CTNND2: variants seen among roughly 807,000 people sequenced by gnomAD.
CTNND2 encodes the protein catenin delta-2.
A neutral mutation model predicts 144.4 loss-of-function variants in CTNND2; 22 were observed. That is an observed-to-expected ratio of 0.15 (90% CI 0.11 to 0.22). The LOEUF is 0.22. Among genes scored for constraint, CTNND2 ranks in the 10% least tolerant of loss-of-function variants. CTNND2 has a pLI of 1.00. For missense variants in CTNND2, 1,353 were observed against 1,618.8 expected, an observed-to-expected ratio of 0.84 and a Z score of 2.82; for synonymous variants, 751 against 695.6, an observed-to-expected ratio of 1.08 and a Z score of -1.25.
intron 17 of CTNND2, among the ~76,000 whole-genome samples, chr5:11,019,490 A>G (rs1020613453): frequency 1.3e-5 from 2 of 152,238 alleles, no homozygotes; most frequent in African/African-American, 4.8e-5. Context: ...TATCTTTTGC[A>G]TAGTTACAAA....
intron 3 of CTNND2, among the ~76,000 whole-genome samples, chr5:11,471,270 C>A (rs990902258): frequency 6.6e-6 from 1 of 151,974 alleles, no homozygotes; most frequent in East Asian, 1.9e-4. Flanking sequence ...AGCCACTGCA[C>A]CTGGCCCAAA....
intron 3 of CTNND2, among the ~76,000 whole-genome samples, chr5:11,555,415 G>T (rs1776140153): frequency 6.6e-6 from 1 of 152,116 alleles, no homozygotes; most frequent in Non-Finnish European, 1.5e-5. Context: ...GGCTAGATGA[G>T]AAAGTCTCAG....
chr5:11,281,664 C>CT (rs952426890), intron 9 of CTNND2, among the ~76,000 whole-genome samples: 25 of 152,148 alleles, frequency 1.6e-4, no homozygotes, highest in African/African-American at 5.6e-4. Context: ...TATCTGAGGC[C>CT]TCTCCCCTTG....
At chr5:11,220,741 T>C (rs1739706097) in intron 10 of CTNND2, among the ~76,000 whole-genome samples, 1 of 152,228 alleles carries the variant, frequency 6.6e-6, no homozygotes. Flanking sequence ...GATATGCCAG[T>C]ATTATTCACC....
In CTNND2 at chr5:11,386,641, G is replaced by A. The variant is rs547032832; in HGVS notation, c.613-1412C>T. ...TGTGTATGCATATGTATTTATGTAC[G>A]GTATATATATTTTAAATATTCTCAC... is the stretch of plus-strand genomic sequence containing the variant. On this transcript the variant is annotated intron_variant, in intron 6 of 21. Coordinates refer to ENST00000304623, the MANE Select transcript of CTNND2 (RefSeq NM_001332.4). Among the ~76,000 whole-genome samples the A allele has an allele frequency of 1.0e-3, 158 of 152,086 alleles. 2 individuals carry two copies. The South Asian group carries it at 0.028, about 27-fold the overall frequency.
At chr5:11,460,754 C>T (rs1561427383) in intron 3 of CTNND2, among the ~76,000 whole-genome samples, 2 of 152,196 alleles carry the variant, frequency 1.3e-5, no homozygotes, top group African/African-American at 2.4e-5. Context: ...GACTACTGCA[C>T]GTTAAATTGC....
At chr5:11,123,410 G>A (rs1272810462) in intron 12 of CTNND2, among the ~76,000 whole-genome samples, 1 of 152,202 alleles carries the variant, frequency 6.6e-6, no homozygotes, top group African/African-American at 2.4e-5. Context: ...ACCGCTGGGT[G>A]AGTGTTGGGG....
At chr5:11,771,681 TAA>T (rs2126826675) in intron 1 of CTNND2, among the ~76,000 whole-genome samples, 1 of 152,332 alleles carries the variant, frequency 6.6e-6, no homozygotes, top group Admixed American at 6.5e-5. Flanking sequence ...GTCACTGTAA[TAA>T]CTTTCTATTA....
At chr5:11,583,992 A>G in intron 2 of CTNND2, among the ~76,000 whole-genome samples, 1 of 152,096 alleles carries the variant, frequency 6.6e-6, no homozygotes, top group East Asian at 1.9e-4. Context: ...ACGGTTTCCA[A>G]TTTTTGGAAG....
intron 3 of CTNND2, among the ~76,000 whole-genome samples, chr5:11,418,262 T>C (rs1762072672): frequency 6.6e-6 from 1 of 151,918 alleles, no homozygotes; most frequent in African/African-American, 2.4e-5. Context: ...CAAAAGTAGC[T>C]GGGCGTGGTG....
chr5:11,428,775 A>G (rs1481580996), intron 3 of CTNND2, among the ~76,000 whole-genome samples: 6 of 152,202 alleles, frequency 3.9e-5, no homozygotes, highest in Admixed American at 3.9e-4. Flanking sequence ...CTTTTATTCA[A>G]CTTTCATCAT....
intron 9 of CTNND2, among the ~76,000 whole-genome samples, chr5:11,328,282 C>A (rs918116136): frequency 6.7e-6 from 1 of 149,868 alleles, no homozygotes; most frequent in African/African-American, 2.5e-5. Context: ...AAACACTACA[C>A]AAAATTCTTT....
At chr5:11,213,965 A>C (rs1209803449) in intron 10 of CTNND2, among the ~76,000 whole-genome samples, 1 of 152,118 alleles carries the variant, frequency 6.6e-6, no homozygotes, top group Non-Finnish European at 1.5e-5. Context: ...TCAGTTCTTT[A>C]TACTATTTTA....
intron 10 of CTNND2, among the ~76,000 whole-genome samples, chr5:11,221,657 T>C (rs1346222182): frequency 1.3e-5 from 2 of 152,220 alleles, no homozygotes; most frequent in Non-Finnish European, 2.9e-5. Flanking sequence ...CTCTCAGTAT[T>C]TTCACAAAAT....
intron 2 of CTNND2, among the ~76,000 whole-genome samples, chr5:11,633,578 C>T (rs145272745): frequency 1.7e-3 from 256 of 152,216 alleles, no homozygotes; most frequent in African/African-American, 5.9e-3. Context: ...GAGTTCGAGA[C>T]AACCATGGCC....
At chr5:11,158,672 TC>T (rs1221072074) in intron 12 of CTNND2, among the ~76,000 whole-genome samples, 6 of 152,184 alleles carry the variant, frequency 3.9e-5, no homozygotes, top group Non-Finnish European at 8.8e-5. Flanking sequence ...TTTTGTTCCT[TC>T]TCAGTAGAGA....
intron 12 of CTNND2, among the ~76,000 whole-genome samples, chr5:11,146,948 G>GAAC (rs1757298431): frequency 6.6e-6 from 1 of 152,178 alleles, no homozygotes; most frequent in Admixed American, 6.5e-5. Context: ...AAGATTTTAT[G>GAAC]AACAACCAGG....
At chr5:11,060,901 A>T (rs1746891457) in intron 16 of CTNND2, among the ~76,000 whole-genome samples, 2 of 152,196 alleles carry the variant, frequency 1.3e-5, no homozygotes, top group African/African-American at 2.4e-5. Context: ...TTAAGATGAG[A>T]CTTCCTGTAG....
rs1271531347 is a variant in CTNND2, at chr5:11,311,263, C to T, written c.1628+35109G>A. On this transcript the variant is annotated intron_variant, in intron 9 of 21. Transcript: ENST00000304623. ...ACCCACACATACATAAACTCTCACA[C>T]TCACTCCATGCACCCTCACCTCACA... Among the ~76,000 whole-genome samples the T allele has an allele frequency of 4.1e-4, 47 of 115,434 alleles. 1 individual carries two copies. The highest frequency in any genetic ancestry group is 4.9e-4 in the Non-Finnish European group (26 of 53,016). The allele number at this position is 115,434 out of a possible 152,430, so 75.7% of individuals were successfully genotyped here.
Sources: gnomAD v4.1 joint callset for allele counts (sites outside exome capture counted in the v4.1 genomes callset) on GRCh38, gnomAD v4.1.1 for gene constraint, MANE v1.5 for transcripts, NCBI Gene and HGNC (gene_info 2026-07-23, HGNC 2026-07-21) for gene names.